The following IST1 variants were observed in gnomAD, a reference collection of about 807,000 sequenced individuals.
IST1 encodes IST1 homolog.
Under a neutral mutation model 37.0 loss-of-function variants are expected in IST1, and 23 were observed. The observed-to-expected ratio is 0.62, with a 90% CI of 0.45 to 0.88. The LOEUF (loss-of-function observed/expected upper bound fraction) is 0.88. Among genes scored for constraint, IST1 ranks in the 40% least tolerant of loss-of-function variants. IST1 has a pLI of 0.00. For missense variants in IST1, 488 were observed against 445.4 expected (o/e 1.10, Z -0.86); for synonymous variants, 180 against 161.7 (o/e 1.11, Z -0.86).
chr16:71,916,397 A>C (rs770891302), intron 2 of IST1, 65 bp from the exon 3 acceptor site: 7 of 1,503,968 alleles, frequency 4.7e-6, no homozygotes. Flanking sequence ...TTGGGGGGAG[A>C]TTGGCCTGTA....
chr16:71,903,526 C>G (rs530723318), intron 1 of IST1: 1 of 152,248 alleles, frequency 6.6e-6, no homozygotes, highest in Admixed American at 6.5e-5. Context: ...AAAGAACATT[C>G]TTGGTATGAC....
chr16:71,902,709 G>T (rs1047686384), intron 1 of IST1, among the ~76,000 whole-genome samples: 1 of 151,910 alleles, frequency 6.6e-6, no homozygotes, highest in Non-Finnish European at 1.5e-5. Context: ...TTATAATATC[G>T]CCTTTAAAAG....
intron 1 of IST1, among the ~76,000 whole-genome samples, chr16:71,900,944 A>C (rs1432338693): frequency 6.6e-6 from 1 of 152,226 alleles, no homozygotes; most frequent in African/African-American, 2.4e-5. Flanking sequence ...CAGTGATTTT[A>C]GAGTAACGTC....
In IST1 at chr16:71,916,659, C is replaced by A; in HGVS notation, c.269+17C>A. ...GTCTATGAAGTAAGATATTTTGATT[C>A]AGAGACCTAAATCATTTCTGGAATT... On this transcript the variant is annotated intron_variant, in intron 3 of 9. Coordinates refer to ENST00000378799, the MANE Select transcript of IST1 (RefSeq NM_001270975.2). The A allele has an allele frequency of 6.3e-7, 1 of 1,596,882 alleles. No individual in the cohort carries two copies. The highest frequency in any genetic ancestry group is 8.6e-7 in the Non-Finnish European group (1 of 1,169,222).
chr16:71,913,042 T>G (rs556815478), intron 1 of IST1, among the ~76,000 whole-genome samples: 30 of 152,342 alleles, frequency 2.0e-4, no homozygotes, highest in Admixed American at 1.7e-3. Flanking sequence ...TTGGCCATTG[T>G]GAATAATGCT....
chr16:71,925,312 G>C (rs1395054871), intron 9 of IST1, among the ~76,000 whole-genome samples: 1 of 142,486 alleles, frequency 7.0e-6, no homozygotes, highest in Admixed American at 7.0e-5. Context: ...ACTGCCCCCA[G>C]CTGATTTTTT....
chr16:71,921,482 A>G, intron 6 of IST1, 29 bp downstream of exon 6: 1 of 1,399,128 alleles, frequency 7.1e-7, no homozygotes, highest in South Asian at 1.2e-5. Flanking sequence ...ACAAAGAAAA[A>G]TGAGTTTGTA....
At chr16:71,907,568 C>G (rs148465755) in intron 1 of IST1, among the ~76,000 whole-genome samples, 1 of 152,132 alleles carries the variant, frequency 6.6e-6, no homozygotes, top group Non-Finnish European at 1.5e-5. Context: ...TGAGCCACTG[C>G]GCCTGGCCCC....
At chr16:71,921,736 T>C (rs1320880503) in intron 6 of IST1, 5 of 327,456 alleles carry the variant, frequency 1.5e-5, no homozygotes, top group African/African-American at 6.3e-5. Context: ...CTCCTGTTCA[T>C]AGCAAGAAAT....
Position 71,928,019 on chromosome 16 carries a change from A to G in IST1, c.*206A>G. The G allele has an allele frequency of 1.8e-6, 1 of 544,220 alleles. No individual in the cohort carries two copies. Among genetic ancestry groups the G allele is most frequent in the South Asian group, 2.0e-5 (1 of 49,076 alleles). 33.7% of individuals were successfully genotyped at this position (544,220 alleles called of 1,614,324 possible). ...AGACTAACAATTGGAGACTGAGGCC[A>G]GAGCAACTGGCTCCTGGCAGCTGTG... On this transcript the variant is annotated 3_prime_UTR_variant, in exon 10 of 10. Coordinates refer to ENST00000378799, the MANE Select transcript of IST1 (RefSeq NM_001270975.2).
intron 1 of IST1, among the ~76,000 whole-genome samples, chr16:71,911,506 C>T (rs533807798): frequency 5.2e-4 from 79 of 152,182 alleles, no homozygotes; most frequent in African/African-American, 1.8e-3. Context: ...GCACTCCAGC[C>T]TGGGCGACAA....
At chr16:71,906,507 G>A (rs1050986011) in intron 1 of IST1, among the ~76,000 whole-genome samples, 34 of 151,622 alleles carry the variant, frequency 2.2e-4, no homozygotes, top group African/African-American at 7.5e-4. Flanking sequence ...TAGAGACGGG[G>A]TTTCACCATG....
rs879871607 is a variant in IST1 at position 71,930,653 on chromosome 16, A to ATTTT, written c.*2848_*2851dup. 1 of 147,978 alleles carries ATTTT rather than the reference A, an allele frequency of 6.8e-6. No homozygotes were observed. Among genetic ancestry groups the ATTTT allele is most frequent in the Non-Finnish European group, 1.5e-5 (1 of 66,676 alleles). The allele number at this position is 147,978 out of a possible 1,614,324, so 9.2% of individuals were successfully genotyped here. On this transcript the variant is annotated 3_prime_UTR_variant, in exon 10 of 10. Transcript: ENST00000378799. Reference sequence around the variant, plus strand: ...GGCCACAGAAAACTGGCTTTTTAGTATTTTTTTTTTTCCATTGTCATTTTT... The same window carrying ATTTT: ...GGCCACAGAAAACTGGCTTTTTAGTATTTTTTTTTTTTTTTCCATTGTCATTTTT...
chr16:71,929,173 G>C lies in IST1; in HGVS notation c.*1360G>C, dbSNP rs112083024. On this transcript the variant is annotated 3_prime_UTR_variant, in exon 10 of 10. Coordinates refer to ENST00000378799, the MANE Select transcript of IST1 (RefSeq NM_001270975.2). ...TTTAGATAGCCCAGATAGCATCTGT[G>C]AATTTCCTTGGTCTTCCTCAGTGGC... 940 of 184,464 alleles carry C rather than the reference G, an allele frequency of 5.1e-3. 12 individuals carry two copies. Among genetic ancestry groups the C allele is most frequent in the African/African-American group, 0.021 (879 of 42,258 alleles). 11.4% of individuals were successfully genotyped at this position (184,464 alleles called of 1,614,324 possible). A position where few individuals can be genotyped will look rare whatever the true frequency, so the allele number is the denominator to read the frequency against.
Position 71,924,411 on chromosome 16 carries a change from C to T in IST1, c.853-358C>T, listed in dbSNP as rs561200359. ...TTCGAGACCAGCCTGGGCAACATGGCGAAACCCTGTCTCTACCCAAAATAC... is the reference window on the plus strand; with the variant it reads ...TTCGAGACCAGCCTGGGCAACATGGTGAAACCCTGTCTCTACCCAAAATAC... On this transcript the variant is annotated intron_variant, in intron 8 of 9. Transcript: ENST00000378799. 158 of 397,350 alleles carry T rather than the reference C, an allele frequency of 4.0e-4. 2 individuals carry two copies. The highest frequency in any genetic ancestry group is 2.4e-3 in the South Asian group (111 of 46,750). 24.6% of individuals were successfully genotyped at this position (397,350 alleles called of 1,614,324 possible). A position where few individuals can be genotyped will look rare whatever the true frequency, so the allele number is the denominator to read the frequency against.
At chr16:71,899,468 GTGTCCTA>G (rs1247972544) in intron 1 of IST1, among the ~76,000 whole-genome samples, 1 of 152,228 alleles carries the variant, frequency 6.6e-6, no homozygotes, top group Non-Finnish European at 1.5e-5. Context: ...TCTTGGAAAT[GTGTCCTA>G]GCACCTCATT....
chr16:71,930,264 G>A lies in IST1; in HGVS notation c.*2451G>A. On this transcript the variant is annotated 3_prime_UTR_variant, in exon 10 of 10. Coordinates refer to ENST00000378799, the MANE Select transcript of IST1 (RefSeq NM_001270975.2). ...AACATAAGCTATATGCTAGTGTTTG[G>A]GATCTTATCAGAAGAAAAGCTTATC... The A allele has an allele frequency of 7.5e-7, 1 of 1,342,280 alleles. No homozygotes were observed. The highest frequency in any genetic ancestry group is 2.0e-5 in the South Asian group (1 of 50,438). The allele number at this position is 1,342,280 out of a possible 1,614,324, so 83.1% of individuals were successfully genotyped here.
intron 8 of IST1, among the ~76,000 whole-genome samples, chr16:71,923,875 A>C (rs1456735502): frequency 6.6e-6 from 1 of 152,166 alleles, no homozygotes; most frequent in Non-Finnish European, 1.5e-5. Context: ...GCTAATGAAT[A>C]GCTAATATAA....
chr16:71,920,625 C>A, intron 4 of IST1, 114 bp from the exon 5 acceptor site: 2 of 693,140 alleles, frequency 2.9e-6, no homozygotes, highest in Non-Finnish European at 5.1e-6. Flanking sequence ...GTTTTGCAGA[C>A]TCCAGTGTTT....
Sources: allele counts gnomAD v4.1 joint callset (sites outside exome capture counted in the v4.1 genomes callset), GRCh38; gene constraint gnomAD v4.1.1; transcripts MANE v1.5; gene names NCBI Gene and HGNC (gene_info 2026-07-23, HGNC 2026-07-21).